Variants in CUL3 observed in about 807,000 individuals in gnomAD.
CUL3 encodes the protein cullin 3, also known as cullin-3.
CUL3 carries 19 observed loss-of-function variants against 89.1 expected under a neutral mutation model. The observed-to-expected ratio is 0.21, with a 90% CI of 0.15 to 0.31. The LOEUF (loss-of-function observed/expected upper bound fraction) is 0.31, where lower values mean the gene tolerates loss of function less well. Among genes scored for constraint, CUL3 ranks in the 10% least tolerant of loss-of-function variants. The probability of loss-of-function intolerance (pLI) is 1.00; values close to 1 mark genes in which losing one functional copy is unlikely to be tolerated. For synonymous variants in CUL3, 351 were observed against 308.4 expected, an observed-to-expected ratio of 1.14 and a Z score of -1.45; for missense variants, 469 against 942.3, an observed-to-expected ratio of 0.50 and a Z score of 6.58.
intron 1 of CUL3, among the ~76,000 whole-genome samples, chr2:224,584,179 A>ATTC (rs1300265516): frequency 1.3e-5 from 2 of 152,178 alleles, no homozygotes; most frequent in Non-Finnish European, 2.9e-5. Flanking sequence ...TGTCACTGAA[A>ATTC]GCGATGAAAC....
intron 14 of CUL3, among the ~76,000 whole-genome samples, chr2:224,480,558 G>A (rs1347486835): frequency 1.3e-5 from 2 of 152,064 alleles, no homozygotes; most frequent in South Asian, 2.1e-4. Context: ...CACTTAACAC[G>A]AAAATCTAAA....
intron 1 of CUL3, among the ~76,000 whole-genome samples, chr2:224,565,640 T>C (rs971180569): frequency 3.7e-4 from 56 of 152,350 alleles, no homozygotes; most frequent in African/African-American, 1.3e-3. Context: ...GATTCTCTAA[T>C]GTCAACTTGG....
At chr2:224,477,608 T>G (rs776721430) in intron 15 of CUL3, among the ~76,000 whole-genome samples, 1 of 152,206 alleles carries the variant, frequency 6.6e-6, no homozygotes, top group Non-Finnish European at 1.5e-5. Flanking sequence ...CAGCGGCACA[T>G]TACATTACCC....
chr2:224,574,266 A>C (rs1301173939), intron 1 of CUL3, among the ~76,000 whole-genome samples: 1 of 152,230 alleles, frequency 6.6e-6, no homozygotes, highest in Non-Finnish European at 1.5e-5. Context: ...GATTACAAGT[A>C]CTAAATGGAG....
chr2:224,497,659 AAGT>A, intron 12 of CUL3, 91 bp downstream of exon 12: 1 of 888,124 alleles, frequency 1.1e-6, no homozygotes, highest in South Asian at 1.5e-5. Context: ...AGAGAAACAG[AAGT>A]AAGTAATTTA....
intron 2 of CUL3, among the ~76,000 whole-genome samples, chr2:224,540,730 G>A (rs748932854): frequency 4.6e-5 from 7 of 152,056 alleles, no homozygotes; most frequent in Non-Finnish European, 7.4e-5. Context: ...CGTGCAGAAC[G>A]TGCAGGTTTG....
intron 10 of CUL3, among the ~76,000 whole-genome samples, chr2:224,501,090 TTTGGGCC>T (rs1333153342): frequency 7.2e-5 from 11 of 152,208 alleles, no homozygotes; most frequent in Non-Finnish European, 1.6e-4. Flanking sequence ...AACTGAAAAG[TTTGGGCC>T]TTTTTAAATA....
chr2:224,554,524 T>C lies in CUL3; in HGVS notation c.264+3135A>G, dbSNP rs1430472242. On this transcript the variant is annotated intron_variant, in intron 2 of 15. Transcript: ENST00000264414. Reference sequence around the variant, plus strand: ...TTCAAGGGCTCAGACTAAAGCCACATTGCCTGAATTCAGTTCCGGCTAGGC... The same window carrying C: ...TTCAAGGGCTCAGACTAAAGCCACACTGCCTGAATTCAGTTCCGGCTAGGC... Among the ~76,000 whole-genome samples the C allele has an allele frequency of 2.6e-5, 4 of 152,194 alleles. 1 individual carries two copies. The highest frequency in any genetic ancestry group is 2.6e-4 in the Admixed American group (4 of 15,278).
intron 1 of CUL3, among the ~76,000 whole-genome samples, chr2:224,567,458 G>A (rs540119285): frequency 4.9e-4 from 74 of 152,140 alleles, no homozygotes; most frequent in African/African-American, 1.6e-3. Flanking sequence ...TCTAGGCTTC[G>A]GCCGGGCACG....
intron 12 of CUL3, among the ~76,000 whole-genome samples, chr2:224,497,064 G>A (rs918349083): frequency 6.6e-6 from 1 of 152,176 alleles, no homozygotes; most frequent in East Asian, 1.9e-4. Context: ...TTAATCTGAT[G>A]TTAACAGTGA....
chr2:224,531,417 T>C (rs759716993), intron 3 of CUL3, among the ~76,000 whole-genome samples: 1 of 146,662 alleles, frequency 6.8e-6, no homozygotes, highest in African/African-American at 2.5e-5. Context: ...TAAGCATTTT[T>C]AAAAAGTGTA....
At chr2:224,494,012 T>C (rs956122350) in intron 13 of CUL3, among the ~76,000 whole-genome samples, 6 of 152,152 alleles carry the variant, frequency 3.9e-5, no homozygotes, top group Non-Finnish European at 7.4e-5. Context: ...AAGACCCACA[T>C]GGAAATCCAT....
chr2:224,506,028 G>C lies in CUL3; in HGVS notation c.1134C>G (p.Leu378=), dbSNP rs371477431. The C allele has an allele frequency of 6.2e-7, 1 of 1,612,450 alleles. No individual in the cohort carries two copies. The highest frequency in any genetic ancestry group is 8.5e-7 in the Non-Finnish European group (1 of 1,178,962). ...ATTCAGGAGACCTGGAGTTGAGGTT[G>C]AGAAAATACTCAAAGTCACCCGCAA... ...QTIAGDFEYF[L]NLNSRSPEYL... is the part of the protein sequence containing the mutation. Residue 378 remains leucine, a synonymous_variant, in exon 8 of 16, where the codon CTC becomes CTG. Coordinates refer to ENST00000264414, the MANE Select transcript of CUL3 (RefSeq NM_003590.5).
chr2:224,549,129 C>T (rs1694411525), intron 2 of CUL3, among the ~76,000 whole-genome samples: 1 of 151,896 alleles, frequency 6.6e-6, no homozygotes, highest in Non-Finnish European at 1.5e-5. Flanking sequence ...CCAGCATGGA[C>T]AACATGGCAA....
intron 6 of CUL3, among the ~76,000 whole-genome samples, chr2:224,509,704 C>G (rs1397957827): frequency 2.6e-5 from 4 of 152,246 alleles, no homozygotes; most frequent in South Asian, 4.1e-4. Context: ...TACAGAGATG[C>G]TGTAATTCAG....
At chr2:224,560,981 G>C (rs900382880) in intron 1 of CUL3, among the ~76,000 whole-genome samples, 21 of 152,168 alleles carry the variant, frequency 1.4e-4, no homozygotes, top group Non-Finnish European at 3.1e-4. Flanking sequence ...CTTTCTGTCT[G>C]AAATGTTCTT....
At chr2:224,495,455 A>G (rs1692137822) in intron 13 of CUL3, 1 of 159,216 alleles carries the variant, frequency 6.3e-6, no homozygotes, top group Non-Finnish European at 1.4e-5. Context: ...AAAGCAGGTC[A>G]CTGGCTGCCT....
chr2:224,551,205 ATTT>A (rs1211420165), intron 2 of CUL3, among the ~76,000 whole-genome samples: 5 of 133,984 alleles, frequency 3.7e-5, no homozygotes, highest in Non-Finnish European at 4.9e-5. Context: ...AAGCCCGGCA[ATTT>A]TTTTTTTTTT....
At position 224,507,616 on chromosome 2, in the gene CUL3, T is replaced by C. The variant is rs1226768181; in HGVS notation, c.884-613A>G. Among the ~76,000 whole-genome samples the C allele has an allele frequency of 2.6e-5, 4 of 152,150 alleles. No homozygotes were observed. In the East Asian group the frequency reaches 5.8e-4, roughly 22 times the overall value. On this transcript the variant is annotated intron_variant, in intron 6 of 15. Coordinates refer to ENST00000264414, the MANE Select transcript of CUL3 (RefSeq NM_003590.5). ...TTCTTCAATATTTTCCTGAGAGCAA[T>C]CCCTAATGTTTCCCAGGTAGCATCC...
Sources: allele counts gnomAD v4.1 joint callset (sites outside exome capture counted in the v4.1 genomes callset), GRCh38; gene constraint gnomAD v4.1.1; transcripts MANE v1.5; gene names NCBI Gene and HGNC (gene_info 2026-07-23, HGNC 2026-07-21).